The following ELMO1 variants were observed in gnomAD, a reference collection of about 807,000 sequenced individuals.
ELMO1 encodes the protein engulfment and cell motility 1.
A neutral mutation model predicts 98.9 loss-of-function variants in ELMO1; 26 were observed. That is an observed-to-expected ratio of 0.26 (90% CI 0.19 to 0.36). The LOEUF (loss-of-function observed/expected upper bound fraction) is 0.36. ELMO1 is among the 10% of genes least tolerant of loss of function. The pLI is 1.00. For synonymous variants in ELMO1, 346 were observed against 346.0 expected (o/e 1.00, Z 0.00); for missense variants, 627 against 935.2 (o/e 0.67, Z 4.30).
chr7:36,899,684 C>CTTTTTT (rs10522661), intron 16 of ELMO1, among the ~76,000 whole-genome samples: 9,748 of 63,518 alleles, frequency 0.15, 1,989 homozygotes, highest in South Asian at 0.32. Flanking sequence ...CTTTACTCAT[C>CTTTTTT]TTTTTTTTTT....
chr7:37,361,394 G>T (rs1043590118), intron 1 of ELMO1, among the ~76,000 whole-genome samples: 1 of 152,164 alleles, frequency 6.6e-6, no homozygotes, highest in South Asian at 2.1e-4. Context: ...CTAGCTTATG[G>T]GCCAAATCCG....
intron 19 of ELMO1, among the ~76,000 whole-genome samples, chr7:36,875,692 C>T (rs1357361687): frequency 6.6e-6 from 1 of 152,154 alleles, no homozygotes; most frequent in African/African-American, 2.4e-5. Flanking sequence ...TCCCTGGCAT[C>T]AGCACCTCTA....
intron 1 of ELMO1, among the ~76,000 whole-genome samples, chr7:37,422,953 T>A (rs1804544105): frequency 6.6e-6 from 1 of 152,182 alleles, no homozygotes; most frequent in South Asian, 2.1e-4. Flanking sequence ...ACTCTAGAGG[T>A]CTGTATTGTT....
chr7:37,073,330 G>C (rs1797380234), intron 15 of ELMO1, among the ~76,000 whole-genome samples: 1 of 152,156 alleles, frequency 6.6e-6, no homozygotes, highest in South Asian at 2.1e-4. Flanking sequence ...GAGGCAGTAT[G>C]ATCCCACATT....
chr7:37,023,728 G>A (rs760430111), intron 15 of ELMO1, among the ~76,000 whole-genome samples: 15 of 152,050 alleles, frequency 9.9e-5, no homozygotes, highest in African/African-American at 3.4e-4. Context: ...TTACATGTGC[G>A]TGCCACCAAG....
At chr7:37,219,596 T>C (rs1793482523) in intron 10 of ELMO1, among the ~76,000 whole-genome samples, 1 of 152,164 alleles carries the variant, frequency 6.6e-6, no homozygotes, top group Non-Finnish European at 1.5e-5. Context: ...CTATCCAGGC[T>C]TCGGGGAGTT....
intron 16 of ELMO1, among the ~76,000 whole-genome samples, chr7:36,933,434 A>C (rs749957617): frequency 3.9e-5 from 6 of 152,220 alleles, no homozygotes; most frequent in Non-Finnish European, 7.3e-5. Context: ...TGGGAAGACG[A>C]ATAGTAGTTC....
chr7:37,445,865 C>T (rs77739030), intron 1 of ELMO1, among the ~76,000 whole-genome samples: 2,519 of 152,268 alleles, frequency 0.017, 24 homozygotes, highest in South Asian at 0.054. Flanking sequence ...TGCCCTTCCT[C>T]CTAGGCTAAA....
At position 36,866,855 on chromosome 7, in the gene ELMO1, T is replaced by C. The variant is rs140548052; in HGVS notation, c.1905+3538A>G. Among the ~76,000 whole-genome samples, 230 of 152,206 alleles carry C rather than the reference T, an allele frequency of 1.5e-3. 2 individuals are homozygous for C. The highest frequency in any genetic ancestry group is 6.8e-3 in the Middle Eastern group (2 of 294). The stretch of plus-strand genomic sequence containing the variant: ...CAGGTCCCCTTTTCCTACCCAGAAG[T>C]CCCAGAGGTAGACAGGAGGGCACCT... On this transcript the variant is annotated intron_variant, in intron 20 of 21. Coordinates refer to ENST00000310758, the MANE Select transcript of ELMO1 (RefSeq NM_014800.11).
intron 16 of ELMO1, among the ~76,000 whole-genome samples, chr7:36,968,653 T>C (rs183441688): frequency 1.5e-3 from 224 of 152,332 alleles, no homozygotes; most frequent in African/African-American, 4.9e-3. Flanking sequence ...ATTTGATAGA[T>C]TGTCAATGTC....
chr7:36,964,962 C>T (rs151328938), intron 16 of ELMO1, among the ~76,000 whole-genome samples: 112 of 152,322 alleles, frequency 7.4e-4, no homozygotes, highest in African/African-American at 2.6e-3. Context: ...TTCCCTCTGA[C>T]CTCTTGGCCA....
intron 4 of ELMO1, among the ~76,000 whole-genome samples, chr7:37,272,876 G>A (rs370295664): frequency 3.4e-4 from 52 of 152,254 alleles, no homozygotes; most frequent in African/African-American, 1.1e-3. Flanking sequence ...GGGGAGGGAG[G>A]GAATGGGAAT....
At chr7:37,014,307 T>C (rs1793766405) in intron 15 of ELMO1, among the ~76,000 whole-genome samples, 1 of 152,152 alleles carries the variant, frequency 6.6e-6, no homozygotes, top group Admixed American at 6.6e-5. Flanking sequence ...GAGGATACTG[T>C]GGAGCCCAAG....
intron 2 of ELMO1, among the ~76,000 whole-genome samples, chr7:37,318,708 T>C (rs4723635): frequency 0.95 from 144,657 of 152,274 alleles, 69,184 homozygotes; most frequent in East Asian, 1. Context: ...TGAACACCCA[T>C]AGGTTAGCCT....
In ELMO1 at chr7:37,060,695, A is replaced by T. The variant is rs938713401; in HGVS notation, c.1300+35924T>A. ...AACAAAAAACCCAAGTGACCAAAACATTAAAACTTCAGTCAATAATTCCTT... is the reference window on the plus strand; with the variant it reads ...AACAAAAAACCCAAGTGACCAAAACTTTAAAACTTCAGTCAATAATTCCTT... On this transcript the variant is annotated intron_variant, in intron 15 of 21. Coordinates refer to ENST00000310758, the MANE Select transcript of ELMO1 (RefSeq NM_014800.11). Among the ~76,000 whole-genome samples the T allele has an allele frequency of 7.2e-5, 11 of 152,342 alleles. No homozygotes were observed. In the South Asian group the frequency reaches 1.7e-3, roughly 23 times the overall value.
intron 2 of ELMO1, among the ~76,000 whole-genome samples, chr7:37,337,275 G>A (rs1283664456): frequency 6.6e-6 from 1 of 151,922 alleles, no homozygotes; most frequent in Non-Finnish European, 1.5e-5. Flanking sequence ...CTATCGCAGG[G>A]ACAGAAAACC....
At chr7:37,366,195 G>A (rs889943576) in intron 1 of ELMO1, among the ~76,000 whole-genome samples, 1 of 151,888 alleles carries the variant, frequency 6.6e-6, no homozygotes, top group Non-Finnish European at 1.5e-5. Flanking sequence ...CAAGACAAAG[G>A]AAGAAACTAT....
chr7:37,062,427 C>T (rs1053039734), intron 15 of ELMO1, among the ~76,000 whole-genome samples: 1 of 152,304 alleles, frequency 6.6e-6, no homozygotes, highest in Middle Eastern at 3.4e-3. Context: ...CCTGTCAAAA[C>T]CAGCACCAAA....
Position 37,100,955 on chromosome 7 carries a change from T to A in ELMO1, c.1192-4228A>T, listed in dbSNP as rs545404009. Among the ~76,000 whole-genome samples, 4 of 152,368 alleles carry A rather than the reference T, an allele frequency of 2.6e-5. No individual in the cohort carries two copies. In the South Asian group the frequency reaches 8.3e-4, roughly 32 times the overall value. Reference sequence around the variant, plus strand: ...ACCCAATTCATGGGACTGTCGTGCATATCAACTCACACAACAAAGGCAAAG... The same window carrying A: ...ACCCAATTCATGGGACTGTCGTGCAAATCAACTCACACAACAAAGGCAAAG... On this transcript the variant is annotated intron_variant, in intron 14 of 21. Coordinates refer to ENST00000310758, the MANE Select transcript of ELMO1 (RefSeq NM_014800.11).
Sources: gnomAD v4.1 joint callset for allele counts (sites outside exome capture counted in the v4.1 genomes callset) on GRCh38, gnomAD v4.1.1 for gene constraint, MANE v1.5 for transcripts, NCBI Gene and HGNC (gene_info 2026-07-23, HGNC 2026-07-21) for gene names.